Variants in GPC1 observed in about 807,000 individuals in gnomAD.
GPC1 encodes the protein glypican-1.
A neutral mutation model predicts 51.5 loss-of-function variants in GPC1; 26 were observed. That is an observed-to-expected ratio of 0.50 (90% CI 0.37 to 0.70). The LOEUF is 0.70. GPC1 is among the 30% of genes least tolerant of loss of function. The pLI is 0.00. For synonymous variants in GPC1, 380 were observed against 348.3 expected, an observed-to-expected ratio of 1.09 and a Z score of -1.01; for missense variants, 775 against 800.5, an observed-to-expected ratio of 0.97 and a Z score of 0.38.
intron 1 of GPC1, chr2:240,451,200 T>G (rs1350477435): frequency 4.2e-6 from 2 of 471,188 alleles, no homozygotes; most frequent in Non-Finnish European, 8.8e-6. Flanking sequence ...TGCTCTGGGA[T>G]CCGGCCCAGC....
At position 240,464,597 on chromosome 2, in the gene GPC1, G is replaced by A. The variant is rs112503887; in HGVS notation, c.884-19G>A. On this transcript the variant is annotated intron_variant, in intron 4 of 8. Coordinates refer to ENST00000264039, the MANE Select transcript of GPC1 (RefSeq NM_002081.3). ...CGCGCGTTAACGCCTGTGTGTCCGC[G>A]TGTTAACGCCTGTCCTAGACTCCAT... 5.5e-4 allele frequency: 877 copies of A among 1,596,472 alleles called. 4 individuals are homozygous for A. The African/African-American group carries it at 0.011, about 20-fold the overall frequency.
intron 1 of GPC1, 162 bp from the exon 2 acceptor site, chr2:240,458,868 C>A: frequency 1.6e-6 from 1 of 612,862 alleles, no homozygotes; most frequent in South Asian, 2.0e-5. Flanking sequence ...CCCTCCACAC[C>A]CCGACCACTT....
intron 1 of GPC1, chr2:240,456,097 A>C (rs1412931426): frequency 1.3e-5 from 4 of 296,622 alleles, no homozygotes; most frequent in South Asian, 1.0e-4. Flanking sequence ...GGAACAACGC[A>C]GGTCGCCGGG....
rs544732084 is a variant in GPC1, at chr2:240,443,628, C to T, written c.166+7544C>T. Among the ~76,000 whole-genome samples the T allele has an allele frequency of 2.1e-4, 32 of 152,190 alleles. 1 individual carries two copies. The South Asian group carries it at 3.9e-3, about 19-fold the overall frequency. On this transcript the variant is annotated intron_variant, in intron 1 of 8. Transcript: ENST00000264039. ...GGAAGCAGAAACCCTGAGCCCAGCA[C>T]GGGGCAGTGGGAGGTGAGGCCCAGC...
chr2:240,464,726 A>AC lies in GPC1; in HGVS notation c.994_995insC (p.Arg332ThrfsTer25). The AC allele has an allele frequency of 1.9e-6, 3 of 1,610,576 alleles. No homozygotes were observed. ...GGCCATCAACGCCCTCCAGGACAAC[A>AC]GGGACACGCTCACGGCCAAGGTGCG... On this transcript the variant is annotated frameshift_variant, in exon 5 of 9. Transcript: ENST00000264039. LOFTEE classifies it high-confidence loss of function.
At chr2:240,447,623 G>A (rs77275608) in intron 1 of GPC1, among the ~76,000 whole-genome samples, 12,027 of 152,266 alleles carry the variant, frequency 0.079, 663 homozygotes, top group East Asian at 0.19. Context: ...CAAAGGGGCG[G>A]GTCCTGAGAG....
intron 4 of GPC1, chr2:240,464,051 A>AG (rs1233649234): frequency 5.0e-6 from 1 of 201,316 alleles, no homozygotes; most frequent in Non-Finnish European, 1.0e-5. Flanking sequence ...TGCTTACATG[A>AG]GGGGGGACAG....
At chr2:240,451,608 G>A (rs1320130) in intron 1 of GPC1, 8 of 237,132 alleles carry the variant, frequency 3.4e-5, no homozygotes, top group Non-Finnish European at 4.2e-5. Flanking sequence ...TCCTGGGTTC[G>A]AAGAGTGGGC....
At chr2:240,441,263 G>A (rs1291994544) in intron 1 of GPC1, among the ~76,000 whole-genome samples, 1 of 152,262 alleles carries the variant, frequency 6.6e-6, no homozygotes, top group Non-Finnish European at 1.5e-5. Context: ...TCTGTTCTAT[G>A]GCATCCATGT....
In GPC1 at chr2:240,462,239, C is replaced by T. The variant is rs1559202209; in HGVS notation, c.374C>T (p.Thr125Ile). ...GACTCGGAGCGGACGCTGCAGGCCA[C>T]CTTCCCCGGCGCCTTCGGAGAGCTG... ...LNDSERTLQA[T>I]FPGAFGELYT... is the part of the protein sequence containing the mutation. Residue 125 changes from threonine (T) to isoleucine (I), a missense_variant, in exon 3 of 9, where the codon ACC becomes ATC. Physicochemically the swap from Thr to Ile is moderately conservative, Grantham distance 89. Coordinates refer to ENST00000264039, the MANE Select transcript of GPC1 (RefSeq NM_002081.3). 1.2e-6 allele frequency: 2 copies of T among 1,610,458 alleles called. No individual in the cohort carries two copies.
At chr2:240,451,442 C>A (rs569527093) in intron 1 of GPC1, 1 of 354,114 alleles carries the variant, frequency 2.8e-6, no homozygotes, top group African/African-American at 2.2e-5. Flanking sequence ...GGGCAGAGCC[C>A]CAGGAGGACA....
chr2:240,450,178 A>C (rs932309781), intron 1 of GPC1: 5 of 333,824 alleles, frequency 1.5e-5, no homozygotes, highest in African/African-American at 1.1e-4. Context: ...GGCTGGGCAG[A>C]AGCTCCAGCC....
At chr2:240,439,567 G>C (rs73102037) in intron 1 of GPC1, among the ~76,000 whole-genome samples, 1,647 of 152,324 alleles carry the variant, frequency 0.011, 26 homozygotes, top group African/African-American at 0.036. Flanking sequence ...TTTCTTCTCT[G>C]TGCCACTTTT....
chr2:240,457,096 A>C (rs1288359060), intron 1 of GPC1, among the ~76,000 whole-genome samples: 1 of 152,162 alleles, frequency 6.6e-6, no homozygotes, highest in Non-Finnish European at 1.5e-5. Context: ...GCATGGGCAC[A>C]TGTAAGTCCA....
At chr2:240,438,475 G>A (rs1017140785) in intron 1 of GPC1, among the ~76,000 whole-genome samples, 1 of 152,176 alleles carries the variant, frequency 6.6e-6, no homozygotes, top group Non-Finnish European at 1.5e-5. Context: ...CCTCCCAGGA[G>A]CCCTGGACCC....
chr2:240,444,923 CTG>C lies in GPC1; in HGVS notation c.166+8842_166+8843del, dbSNP rs2074039703. Among the ~76,000 whole-genome samples, 3 of 152,208 alleles carry C rather than the reference CTG, an allele frequency of 2.0e-5. No homozygotes were observed. The South Asian group carries it at 6.2e-4, about 32-fold the overall frequency. On this transcript the variant is annotated intron_variant, in intron 1 of 8. Transcript: ENST00000264039. ...ACTGCAGGGAGAGCATCCCACCCACCTGTGACCATCTACCAGGCCCTGGGGAC... is the reference window on the plus strand; with the variant it reads ...ACTGCAGGGAGAGCATCCCACCCACCTGACCATCTACCAGGCCCTGGGGAC...
intron 1 of GPC1, among the ~76,000 whole-genome samples, chr2:240,439,134 C>T (rs1336804924): frequency 6.6e-6 from 1 of 152,172 alleles, no homozygotes; most frequent in Non-Finnish European, 1.5e-5. Flanking sequence ...GCTGGGGTCT[C>T]AGCGCCCCAC....
intron 1 of GPC1, among the ~76,000 whole-genome samples, chr2:240,443,427 C>T (rs1433372066): frequency 6.6e-5 from 10 of 152,208 alleles, no homozygotes; most frequent in Non-Finnish European, 1.5e-4. Flanking sequence ...AGGAGGCCCG[C>T]TGCTCTCTTG....
chr2:240,447,895 A>G (rs1004535733), intron 1 of GPC1, among the ~76,000 whole-genome samples: 1 of 152,118 alleles, frequency 6.6e-6, no homozygotes, highest in Admixed American at 6.5e-5. Flanking sequence ...AGGCCCCGTC[A>G]TTGTCACCGG....
Sources: allele counts gnomAD v4.1 joint callset (sites outside exome capture counted in the v4.1 genomes callset), GRCh38; gene constraint gnomAD v4.1.1; transcripts MANE v1.5; gene names NCBI Gene and HGNC (gene_info 2026-07-23, HGNC 2026-07-21).